ZHX3: variants seen among roughly 807,000 people sequenced by gnomAD.
The protein encoded by ZHX3 is zinc fingers and homeoboxes protein 3.
In ZHX3, 20 loss-of-function variants were observed where a neutral mutation model predicts 64.5. The ratio of observed to expected loss-of-function variants is 0.31; its 90% confidence interval spans 0.22 to 0.45. The LOEUF (loss-of-function observed/expected upper bound fraction) is 0.45. Among genes scored for constraint, ZHX3 ranks in the 20% least tolerant of loss-of-function variants. The pLI, the probability that ZHX3 is intolerant of heterozygous loss-of-function variation, is 1.00. For synonymous variants in ZHX3, 423 were observed against 461.6 expected, an observed-to-expected ratio of 0.92 and a Z score of 1.07; for missense variants, 1,041 against 1,195.8, an observed-to-expected ratio of 0.87 and a Z score of 1.91.
intron 1 of ZHX3, among the ~76,000 whole-genome samples, chr20:41,299,589 C>T (rs886300991): frequency 5.9e-5 from 9 of 151,944 alleles, no homozygotes; most frequent in Non-Finnish European, 1.0e-4. Context: ...AGGCTAGGTG[C>T]GGTGGCTCAT....
rs1268768659 is a variant in ZHX3, at chr20:41,219,905, C to G, written c.-150-14839G>C. On this transcript the variant is annotated intron_variant, in intron 2 of 3. Transcript: ENST00000683867. This position sits in a 1 kb window ranked among gnomAD's most constrained non-coding sequence, Gnocchi z 5.0. ...GGTTATGTTCCAGATGGCGGCTACT[C>G]TATCAGCCTGAGTCCTAAAAGAAGA... is the stretch of plus-strand genomic sequence containing the variant. 6.6e-6 allele frequency among the ~76,000 whole-genome samples: 1 copy of G among 152,258 alleles called. No individual in the cohort carries two copies. The highest frequency in any genetic ancestry group is 1.5e-5 in the Non-Finnish European group (1 of 68,050).
chr20:41,307,963 T>G (rs1344149073), intron 1 of ZHX3, among the ~76,000 whole-genome samples: 1 of 152,172 alleles, frequency 6.6e-6, no homozygotes, highest in African/African-American at 2.4e-5. Flanking sequence ...CTAAGGTACC[T>G]AGTTCACAGC....
intron 2 of ZHX3, among the ~76,000 whole-genome samples, chr20:41,264,640 T>C (rs891334957): frequency 6.6e-6 from 1 of 151,440 alleles, no homozygotes; most frequent in Non-Finnish European, 1.5e-5. Flanking sequence ...AAATGATTCA[T>C]GTTATAGAAA....
chr20:41,193,568 A>G (rs984401056), intron 3 of ZHX3, among the ~76,000 whole-genome samples: 1 of 152,062 alleles, frequency 6.6e-6, no homozygotes, highest in Non-Finnish European at 1.5e-5. Context: ...TAGTGGGACT[A>G]CAGTTATGTC....
rs2036226753 is a variant in ZHX3, at chr20:41,180,895, T to C, written c.*4296A>G. 1 of 152,224 alleles carries C rather than the reference T, an allele frequency of 6.6e-6. No homozygotes were observed. Among genetic ancestry groups the C allele is most frequent in the African/African-American group, 2.4e-5 (1 of 41,436 alleles). 9.4% of individuals were successfully genotyped at this position (152,224 alleles called of 1,614,324 possible). A position where few individuals can be genotyped will look rare whatever the true frequency, so the allele number is the denominator to read the frequency against. The stretch of plus-strand genomic sequence containing the variant: ...CCATGTCCCTGCCGCCCCACTTAAA[T>C]GGCCAGAGAAAACTACATGGTGGGT... On this transcript the variant is annotated 3_prime_UTR_variant, in exon 4 of 4. Coordinates refer to ENST00000683867, the MANE Select transcript of ZHX3 (RefSeq NM_001384317.1).
chr20:41,287,910 CAT>C (rs2044018107), intron 1 of ZHX3, among the ~76,000 whole-genome samples: 1 of 152,178 alleles, frequency 6.6e-6, no homozygotes, highest in Non-Finnish European at 1.5e-5. Flanking sequence ...AATATACTCT[CAT>C]GTGTAAAATA....
At chr20:41,209,878 C>T (rs916569188) in intron 2 of ZHX3, among the ~76,000 whole-genome samples, 12 of 152,098 alleles carry the variant, frequency 7.9e-5, no homozygotes, top group South Asian at 2.1e-4. Flanking sequence ...TTCTGCAAAG[C>T]GAAAGAAACC....
chr20:41,199,511 C>T (rs1295437770), intron 3 of ZHX3, among the ~76,000 whole-genome samples: 1 of 151,662 alleles, frequency 6.6e-6, no homozygotes, highest in Non-Finnish European at 1.5e-5. Flanking sequence ...CTGTGGTTAA[C>T]CAGTGACCTA....
intron 2 of ZHX3, among the ~76,000 whole-genome samples, chr20:41,210,903 GAAGA>G (rs1053017882): frequency 1.7e-4 from 26 of 152,094 alleles, no homozygotes; most frequent in South Asian, 4.2e-4. Context: ...AGAAAGGAAA[GAAGA>G]AAGAAGAGGA....
intron 2 of ZHX3, among the ~76,000 whole-genome samples, chr20:41,235,365 A>C (rs1434403344): frequency 5.3e-5 from 8 of 152,200 alleles, no homozygotes; most frequent in African/African-American, 1.9e-4. Context: ...CGATGCAAAA[A>C]TCCTCAATAA....
At position 41,212,168 on chromosome 20, in the gene ZHX3, A is replaced by G. The variant is rs550458326; in HGVS notation, c.-150-7102T>C. ...CTATCTGGTAAAGTATATCCAGATT[A>G]TATAAATAACTTACAACTCAACCAT... On this transcript the variant is annotated intron_variant, in intron 2 of 3. Coordinates refer to ENST00000683867, the MANE Select transcript of ZHX3 (RefSeq NM_001384317.1). This position sits in a 1 kb window ranked among gnomAD's most constrained non-coding sequence, Gnocchi z 4.3. Among the ~76,000 whole-genome samples the G allele has an allele frequency of 2.6e-5, 4 of 152,376 alleles. No individual in the cohort carries two copies. The East Asian group carries it at 7.7e-4, about 29-fold the overall frequency.
Position 41,242,669 on chromosome 20 carries a change from C to T in ZHX3, c.-151+26321G>A, listed in dbSNP as rs376704928. ...GGAAAACCAATGACGTTTTGACAGG[C>T]CTTAAGACCTTTCAAAGTTATCTCC... On this transcript the variant is annotated intron_variant, in intron 2 of 3. Transcript: ENST00000683867. Among the ~76,000 whole-genome samples the T allele has an allele frequency of 3.5e-4, 54 of 152,188 alleles. 1 individual carries two copies. In the East Asian group the frequency reaches 4.8e-3, roughly 14 times the overall value.
chr20:41,220,940 T>A (rs867636312), intron 2 of ZHX3, among the ~76,000 whole-genome samples: 4 of 152,058 alleles, frequency 2.6e-5, no homozygotes, highest in Non-Finnish European at 4.4e-5. Flanking sequence ...CCACCCGCCT[T>A]AGCCTCCCAA....
At chr20:41,260,959 G>A (rs1022424006) in intron 2 of ZHX3, among the ~76,000 whole-genome samples, 1 of 152,206 alleles carries the variant, frequency 6.6e-6, no homozygotes, top group East Asian at 1.9e-4. Context: ...GAATGCACAG[G>A]CAAATTGTCA....
intron 1 of ZHX3, among the ~76,000 whole-genome samples, chr20:41,303,892 T>C (rs954717631): frequency 6.6e-6 from 1 of 152,164 alleles, no homozygotes; most frequent in Non-Finnish European, 1.5e-5. Flanking sequence ...GCAGTGAAAA[T>C]GCATCTCTAC....
intron 1 of ZHX3, among the ~76,000 whole-genome samples, chr20:41,308,690 A>G (rs1468227892): frequency 2.0e-5 from 3 of 152,190 alleles, no homozygotes; most frequent in Non-Finnish European, 2.9e-5. Context: ...CTTTTGCAGG[A>G]TTCCTCTCCT....
chr20:41,237,234 G>A (rs1360675941), intron 2 of ZHX3, among the ~76,000 whole-genome samples: 2 of 152,110 alleles, frequency 1.3e-5, no homozygotes, highest in African/African-American at 4.8e-5. Context: ...AACTAGAAAT[G>A]CCATTTGACC....
At position 41,200,966 on chromosome 20, in the gene ZHX3, G is replaced by A. The variant is rs557572041; in HGVS notation, c.2860+1091C>T. Among the ~76,000 whole-genome samples the A allele has an allele frequency of 1.6e-4, 24 of 152,314 alleles. No homozygotes were observed. In the South Asian group the frequency reaches 5.0e-3, roughly 32 times the overall value. On this transcript the variant is annotated intron_variant, in intron 3 of 3. Transcript: ENST00000683867. This position sits in a 1 kb window ranked among gnomAD's most constrained non-coding sequence, Gnocchi z 4.2. ...TAAGTAGAAAGCAACTGGGGTGGAG[G>A]AGCTGGGATTTGCCAGGCCAAAATA...
intron 2 of ZHX3, among the ~76,000 whole-genome samples, chr20:41,264,385 CAAAAAAAAA>C (rs1165922837): frequency 1.3e-5 from 1 of 74,502 alleles, no homozygotes; most frequent in African/African-American, 5.2e-5. Context: ...ACCAAAAATA[CAAAAAAAAA>C]AAAAAAAAAA....
Sources: gnomAD v4.1 joint callset for allele counts (sites outside exome capture counted in the v4.1 genomes callset) on GRCh38, gnomAD v4.1.1 for gene constraint, Gnocchi (gnomAD v3.1) non-coding constraint, MANE v1.5 for transcripts, NCBI Gene and HGNC (gene_info 2026-07-23, HGNC 2026-07-21) for gene names.